UPF2: variants seen among roughly 807,000 people sequenced by gnomAD.
The protein encoded by UPF2 is UPF2 regulator of nonsense mediated mRNA decay.
Under a neutral mutation model 141.4 loss-of-function variants are expected in UPF2, and 17 were observed. The ratio of observed to expected loss-of-function variants is 0.12; its 90% CI spans 0.08 to 0.18. The LOEUF is 0.18. Among genes scored for constraint, UPF2 ranks in the 10% least tolerant of loss-of-function variants. UPF2 has a pLI of 1.00. For synonymous variants in UPF2, 540 were observed against 498.0 expected, an observed-to-expected ratio of 1.08 and a Z score of -1.12; for missense variants, 1,152 against 1,515.9, an observed-to-expected ratio of 0.76 and a Z score of 3.99.
rs373933445 is a variant in UPF2, at chr10:11,938,180, G to A, written c.3379-1468C>T. 7.2e-5 allele frequency among the ~76,000 whole-genome samples: 11 copies of A among 151,994 alleles called. No homozygotes were observed. In the East Asian group the frequency reaches 1.2e-3, roughly 16 times the overall value. On this transcript the variant is annotated intron_variant, in intron 18 of 21. Transcript: ENST00000357604. ...GACACAAGCAACCACAATGCATATT[G>A]CTGTACACTCAACATACATATTTTT...
chr10:11,947,786 C>CAAAAAAACAAAAAAAAAAAAA (rs1833021049), intron 16 of UPF2, among the ~76,000 whole-genome samples: 1 of 65,580 alleles, frequency 1.5e-5, no homozygotes, highest in African/African-American at 5.8e-5. Flanking sequence ...AACCTTGTCT[C>CAAAAAAACAAAAAAAAAAAAA]AAAAAAAAAA....
At chr10:11,934,078 C>T (rs1040477449) in intron 19 of UPF2, among the ~76,000 whole-genome samples, 6 of 152,068 alleles carry the variant, frequency 3.9e-5, no homozygotes, top group African/African-American at 9.6e-5. Context: ...CCAAGAAAGC[C>T]GGTGATGGGG....
At chr10:12,036,902 G>A (rs11816758) in intron 1 of UPF2, among the ~76,000 whole-genome samples, 328 of 152,212 alleles carry the variant, frequency 2.2e-3, no homozygotes, top group African/African-American at 7.5e-3. Context: ...GCGCATGCCT[G>A]TAATCCCAGC....
Position 11,997,695 on chromosome 10 carries a change from T to G in UPF2, c.1821A>C (p.Ala607=). The G allele has an allele frequency of 6.2e-7, 1 of 1,613,806 alleles. No homozygotes were observed. Among genetic ancestry groups the G allele is most frequent in the Non-Finnish European group, 8.5e-7 (1 of 1,179,852 alleles). ...TKANRKKLVR[A]LFIVPRQRLD... is the part of the protein sequence containing the mutation. ...ACCTTTGTCTAGGAACTATGAAGAGTGCCCGTACCAACTTCTTCCTGTTTG... is the reference window on the plus strand; with the variant it reads ...ACCTTTGTCTAGGAACTATGAAGAGGGCCCGTACCAACTTCTTCCTGTTTG... Residue 607 remains alanine (A), a synonymous_variant, in exon 8 of 22, where the codon GCA becomes GCC. Coordinates refer to ENST00000357604, the MANE Select transcript of UPF2 (RefSeq NM_015542.4).
At chr10:11,970,212 G>A (rs1833393992) in intron 9 of UPF2, among the ~76,000 whole-genome samples, 1 of 152,106 alleles carries the variant, frequency 6.6e-6, no homozygotes, top group African/African-American at 2.4e-5. Context: ...AGCAATTAAT[G>A]TACAGGACAA....
At chr10:12,010,980 GA>G (rs935805324) in intron 4 of UPF2, among the ~76,000 whole-genome samples, 14 of 151,506 alleles carry the variant, frequency 9.2e-5, no homozygotes, top group Non-Finnish European at 1.5e-4. Context: ...TTCTATGTCT[GA>G]AAAAAAAATT....
chr10:12,000,218 A>G (rs1256003180), intron 6 of UPF2, among the ~76,000 whole-genome samples: 1 of 152,234 alleles, frequency 6.6e-6, no homozygotes, highest in Non-Finnish European at 1.5e-5. Flanking sequence ...GGTATCAACT[A>G]TAAAAGTCAA....
Position 11,952,073 on chromosome 10 carries a change from T to G in UPF2, c.3027A>C (p.Ile1009=). 2 of 1,613,562 alleles carry G rather than the reference T, an allele frequency of 1.2e-6. No individual in the cohort carries two copies. Among genetic ancestry groups the G allele is most frequent in the African/African-American group, 2.7e-5 (2 of 75,042 alleles). The change falls in exon 15 of 22, where the codon ATA becomes ATC. Residue 1009 remains isoleucine, a synonymous_variant. Coordinates refer to ENST00000357604, the MANE Select transcript of UPF2 (RefSeq NM_015542.4). ...CTGCAATCAATTGCTTACCTAGTTT[T>G]ATTAAGAATTCTCGTTCCAAGTCTT... ...QVQDLEREFL[I]KLGLVNDKDS...
At chr10:12,038,390 ACAC>A (rs1834672309) in intron 1 of UPF2, among the ~76,000 whole-genome samples, 1 of 150,360 alleles carries the variant, frequency 6.7e-6, no homozygotes. Flanking sequence ...ACACACACAC[ACAC>A]ACACACACAC....
intron 12 of UPF2, among the ~76,000 whole-genome samples, chr10:11,957,118 T>C (rs1833164398): frequency 6.6e-6 from 1 of 150,540 alleles, no homozygotes; most frequent in Non-Finnish European, 1.5e-5. Flanking sequence ...CCATGCCCAG[T>C]ATGGAGTAGG....
chr10:11,938,857 T>TTTTTTTTTG (rs1832892321), intron 18 of UPF2, among the ~76,000 whole-genome samples: 1 of 68,276 alleles, frequency 1.5e-5, no homozygotes, highest in African/African-American at 6.2e-5. Flanking sequence ...TTTTTTGTTT[T>TTTTTTTTTG]TTTTTTTTTT....
rs1398510648 is a variant in UPF2, at chr10:11,942,735, T to C, written c.3308A>G (p.Lys1103Arg). 6.2e-7 allele frequency: 1 copy of C among 1,613,986 alleles called. No homozygotes were observed. Among genetic ancestry groups the C allele is most frequent in the African/African-American group, 1.3e-5 (1 of 75,058 alleles). ...CTCATCTTCTACACAAGGTACATGC[T>C]TAAGTCCACCGCCTTTAATCATTAC... ...TEVMIKGGGL[K>R]HVPCVEDEDF... Residue 1103 changes from lysine to arginine, a missense_variant, in exon 18 of 22, where the codon AAG becomes AGG. Lys to Arg is a conservative substitution (Grantham distance 26). Coordinates refer to ENST00000357604, the MANE Select transcript of UPF2 (RefSeq NM_015542.4).
intron 8 of UPF2, among the ~76,000 whole-genome samples, chr10:11,986,178 C>G (rs890328173): frequency 6.6e-6 from 1 of 151,972 alleles, no homozygotes; most frequent in Non-Finnish European, 1.5e-5. Context: ...ACCACCGCGC[C>G]CGGCCTAGAT....
chr10:11,969,539 G>C (rs906989989), intron 9 of UPF2, among the ~76,000 whole-genome samples: 2 of 151,932 alleles, frequency 1.3e-5, no homozygotes, highest in Non-Finnish European at 2.9e-5. Flanking sequence ...ATATAAAATA[G>C]AATGTCTCAT....
rs1435141189 is a variant in UPF2 at position 11,941,704 on chromosome 10, A to G, written c.3378+961T>C. ...TCCCTTCCCATTCTCCACCAAACCCACCCCAGTGGGGCCTGCATCCTGCCA... is the reference window on the plus strand; with the variant it reads ...TCCCTTCCCATTCTCCACCAAACCCGCCCCAGTGGGGCCTGCATCCTGCCA... On this transcript the variant is annotated intron_variant, in intron 18 of 21. Coordinates refer to ENST00000357604, the MANE Select transcript of UPF2 (RefSeq NM_015542.4). Among the ~76,000 whole-genome samples the G allele has an allele frequency of 2.6e-5, 4 of 151,868 alleles. No individual in the cohort carries two copies. The East Asian group carries it at 7.7e-4, about 29-fold the overall frequency.
intron 11 of UPF2, 83 bp downstream of exon 11, chr10:11,963,926 C>T (rs978151752): frequency 2.1e-5 from 19 of 924,262 alleles, no homozygotes; most frequent in South Asian, 1.7e-4. Flanking sequence ...AATAAGATAA[C>T]CAGCACTGGT....
At chr10:11,983,656 G>C (rs1389160669) in intron 8 of UPF2, among the ~76,000 whole-genome samples, 1 of 152,126 alleles carries the variant, frequency 6.6e-6, no homozygotes, top group Non-Finnish European at 1.5e-5. Flanking sequence ...ACAGGCATGA[G>C]CCACCGTGCC....
In UPF2 at chr10:11,992,432, A is replaced by G. The variant is rs994480058; in HGVS notation, c.1844+5240T>C. ...AGTGACTAAAGAGAGTAAGAAAAGAAGACACCACAAACTAATCTTACCACT... is the reference window on the plus strand; with the variant it reads ...AGTGACTAAAGAGAGTAAGAAAAGAGGACACCACAAACTAATCTTACCACT... On this transcript the variant is annotated intron_variant, in intron 8 of 21. Transcript: ENST00000357604. This position sits in a 1 kb window ranked among gnomAD's most constrained non-coding sequence, Gnocchi z 4.1. 3.9e-5 allele frequency among the ~76,000 whole-genome samples: 6 copies of G among 152,214 alleles called. No individual in the cohort carries two copies. Among genetic ancestry groups the G allele is most frequent in the African/African-American group, 1.4e-4 (6 of 41,456 alleles).
chr10:11,922,192 G>A (rs1480340701), intron 21 of UPF2, among the ~76,000 whole-genome samples: 1 of 152,170 alleles, frequency 6.6e-6, no homozygotes, highest in East Asian at 1.9e-4. Context: ...CAGCCCCGCT[G>A]ACTCCCTGAC....
Sources: allele counts gnomAD v4.1 joint callset (sites outside exome capture counted in the v4.1 genomes callset), GRCh38; gene constraint gnomAD v4.1.1; non-coding constraint Gnocchi (gnomAD v3.1); transcripts MANE v1.5; gene names NCBI Gene and HGNC (gene_info 2026-07-23, HGNC 2026-07-21).